Variants in OSBP2 observed in about 807,000 individuals in gnomAD.
OSBP2 encodes oxysterol-binding protein 2.
A neutral mutation model predicts 96.0 loss-of-function variants in OSBP2; 66 were observed. The observed-to-expected ratio is 0.69, with a 90% CI of 0.56 to 0.84. The LOEUF is 0.84. OSBP2 is among the 40% of genes least tolerant of loss of function. The probability of loss-of-function intolerance (pLI) is 0.00; values close to 1 mark genes in which losing one functional copy is unlikely to be tolerated. For missense variants in OSBP2, 1,038 were observed against 1,222.7 expected, an observed-to-expected ratio of 0.85 and a Z score of 2.25; for synonymous variants, 525 against 520.9, an observed-to-expected ratio of 1.01 and a Z score of -0.11.
Position 30,697,405 on chromosome 22 carries a change from A to C in OSBP2, c.644+1852A>C, listed in dbSNP as rs574621353. Reference sequence around the variant, plus strand: ...GCAGTTCTCCTGCCTCAGTCTCCCAAGTAGCTGGGATTACAGGTGTGCGCC... The same window carrying C: ...GCAGTTCTCCTGCCTCAGTCTCCCACGTAGCTGGGATTACAGGTGTGCGCC... On this transcript the variant is annotated intron_variant, in intron 1 of 13. Transcript: ENST00000332585. 1.4e-3 allele frequency among the ~76,000 whole-genome samples: 210 copies of C among 152,186 alleles called. 1 individual carries two copies. Among genetic ancestry groups the C allele is most frequent in the African/African-American group, 4.8e-3 (199 of 41,520 alleles).
intron 3 of OSBP2, among the ~76,000 whole-genome samples, chr22:30,885,994 G>T (rs2039801478): frequency 6.6e-6 from 1 of 152,208 alleles, no homozygotes; most frequent in Non-Finnish European, 1.5e-5. Context: ...CCAGCAGAGG[G>T]GGCAGCTAGA....
chr22:30,904,357 A>C (rs185362377), intron 12 of OSBP2, among the ~76,000 whole-genome samples: 1 of 152,362 alleles, frequency 6.6e-6, no homozygotes, highest in African/African-American at 2.4e-5. Context: ...ATACTTAAGA[A>C]AGACATGCAT....
At chr22:30,736,407 C>G (rs533243194) in intron 1 of OSBP2, among the ~76,000 whole-genome samples, 4 of 152,086 alleles carry the variant, frequency 2.6e-5, no homozygotes, top group Admixed American at 6.6e-5. Context: ...TGGAGAGTCC[C>G]GTCTAGAACC....
chr22:30,717,715 A>G (rs181647157), intron 1 of OSBP2, among the ~76,000 whole-genome samples: 38 of 152,248 alleles, frequency 2.5e-4, no homozygotes, highest in Admixed American at 2.2e-3. Context: ...GAGTCTCCTT[A>G]TTCATCTTCT....
chr22:30,822,623 C>T (rs1376109338), intron 2 of OSBP2: 1 of 1,531,032 alleles, frequency 6.5e-7, no homozygotes, highest in South Asian at 1.2e-5. Flanking sequence ...GCTGCCCCGC[C>T]GCGGGAAATG....
chr22:30,901,189 C>T (rs1358687812), intron 12 of OSBP2, among the ~76,000 whole-genome samples: 3 of 152,188 alleles, frequency 2.0e-5, no homozygotes, highest in African/African-American at 7.2e-5. Context: ...CTGCCTCAGC[C>T]TCCTGAGGAG....
chr22:30,711,285 AG>A (rs1261356446), intron 1 of OSBP2, among the ~76,000 whole-genome samples: 1 of 151,382 alleles, frequency 6.6e-6, no homozygotes, highest in East Asian at 1.9e-4. Context: ...ATACAGAACT[AG>A]GAAATATATA....
intron 2 of OSBP2, chr22:30,822,444 G>A (rs1271976941): frequency 2.7e-6 from 3 of 1,119,234 alleles, no homozygotes; most frequent in Admixed American, 8.4e-5. Context: ...CGGCGCGGAC[G>A]GGGTTAACGC....
chr22:30,798,159 T>C (rs2145836755), intron 2 of OSBP2, among the ~76,000 whole-genome samples: 1 of 152,330 alleles, frequency 6.6e-6, no homozygotes, highest in African/African-American at 2.4e-5. Context: ...ATTGTGCTTT[T>C]GATTTGCATT....
At chr22:30,812,401 A>G (rs1240731638) in intron 2 of OSBP2, among the ~76,000 whole-genome samples, 2 of 152,118 alleles carry the variant, frequency 1.3e-5, no homozygotes, top group South Asian at 4.1e-4. Context: ...CCTGACCTCA[A>G]GTGATCTGCC....
upstream of OSBP2, chr22:30,694,236 C>T: frequency 1.3e-6 from 2 of 1,549,834 alleles, no homozygotes; most frequent in Non-Finnish European, 1.7e-6. Context: ...TCACTGGCAG[C>T]GAAGCGCCTT....
At chr22:30,715,661 C>G (rs2089440199) in intron 1 of OSBP2, among the ~76,000 whole-genome samples, 1 of 150,376 alleles carries the variant, frequency 6.6e-6, no homozygotes, top group Non-Finnish European at 1.5e-5. Flanking sequence ...AAGCGATTCT[C>G]CTGCCTCAGC....
At chr22:30,807,206 C>T (rs969225707) in intron 2 of OSBP2, among the ~76,000 whole-genome samples, 5 of 152,180 alleles carry the variant, frequency 3.3e-5, no homozygotes, top group African/African-American at 1.2e-4. Context: ...CCCCATCTCT[C>T]CTACCTTGAA....
At chr22:30,900,754 A>C (rs2040176278) in intron 12 of OSBP2, among the ~76,000 whole-genome samples, 1 of 152,228 alleles carries the variant, frequency 6.6e-6, no homozygotes, top group Admixed American at 6.5e-5. Context: ...GTTATAAAGA[A>C]AATCAAATAA....
At chr22:30,795,291 T>C (rs1348264156) in intron 2 of OSBP2, among the ~76,000 whole-genome samples, 2 of 152,124 alleles carry the variant, frequency 1.3e-5, no homozygotes, top group African/African-American at 4.8e-5. Context: ...CCTTTTTGGG[T>C]CTCATTGAGC....
intron 2 of OSBP2, among the ~76,000 whole-genome samples, chr22:30,786,060 G>C (rs2090584995): frequency 6.6e-6 from 1 of 151,368 alleles, no homozygotes; most frequent in Admixed American, 6.6e-5. Context: ...GTCTCGCTGT[G>C]TTACCCAGGC....
intron 1 of OSBP2, among the ~76,000 whole-genome samples, chr22:30,705,612 T>C (rs2089240937): frequency 6.6e-6 from 1 of 152,118 alleles, no homozygotes; most frequent in Admixed American, 6.6e-5. Context: ...TTTTTGCGCC[T>C]TTGGTGGAGT....
Position 30,905,862 on chromosome 22 carries a change from T to C in OSBP2, c.2401T>C (p.Phe801Leu). The change falls in exon 13 of 14, where the codon TTC becomes CTC. Residue 801 changes from phenylalanine (F) to leucine (L), a missense_variant. Transcript: ENST00000332585. Reference protein sequence around the residue: ...LPENAENMYYFSELALTLNEH... With the variant: ...LPENAENMYYLSELALTLNEH... Reference sequence around the variant, plus strand: ...GGAGAACGCGGAGAACATGTACTACTTCTCAGAGCTGGCCCTGACCCTCAA... The same window carrying C: ...GGAGAACGCGGAGAACATGTACTACCTCTCAGAGCTGGCCCTGACCCTCAA... 6.2e-7 allele frequency: 1 copy of C among 1,613,334 alleles called. No homozygotes were observed. The highest frequency in any genetic ancestry group is 1.3e-5 in the African/African-American group (1 of 75,034).
At chr22:30,703,378 T>G (rs1319878949) in intron 1 of OSBP2, among the ~76,000 whole-genome samples, 1 of 152,292 alleles carries the variant, frequency 6.6e-6, no homozygotes, top group African/African-American at 2.4e-5. Flanking sequence ...TTCACCATGT[T>G]GGCCAAACTG....
Sources: allele counts gnomAD v4.1 joint callset (sites outside exome capture counted in the v4.1 genomes callset), GRCh38; gene constraint gnomAD v4.1.1; transcripts MANE v1.5; gene names NCBI Gene and HGNC (gene_info 2026-07-23, HGNC 2026-07-21).